The following RGS7 variants were observed in gnomAD, a reference collection of about 807,000 sequenced individuals.
RGS7 encodes regulator of G-protein signaling 7.
Under a neutral mutation model 81.1 loss-of-function variants are expected in RGS7, and 27 were observed. The observed-to-expected ratio is 0.33, with a 90% CI of 0.25 to 0.46. RGS7 has a LOEUF of 0.46. Ranked by LOEUF, RGS7 falls within the 20% of genes least tolerant of loss-of-function variation. The pLI is 1.00. For synonymous variants in RGS7, 208 were observed against 207.7 expected, an observed-to-expected ratio of 1.00 and a Z score of -0.01; for missense variants, 396 against 607.4, an observed-to-expected ratio of 0.65 and a Z score of 3.66.
At chr1:240,898,520 C>A (rs948469577) in intron 6 of RGS7, among the ~76,000 whole-genome samples, 2 of 152,140 alleles carry the variant, frequency 1.3e-5, no homozygotes, top group Non-Finnish European at 1.5e-5. Flanking sequence ...ATCTTTATTT[C>A]TGCCTTCATT....
chr1:241,146,424 G>A (rs7531098), intron 2 of RGS7, among the ~76,000 whole-genome samples: 6,219 of 152,196 alleles, frequency 0.041, 403 homozygotes, highest in African/African-American at 0.14. Flanking sequence ...GGGGAATCCT[G>A]GAACCAATTC....
chr1:240,976,868 C>CGTCT (rs1684165554), intron 4 of RGS7, among the ~76,000 whole-genome samples: 3 of 150,846 alleles, frequency 2.0e-5, no homozygotes, highest in East Asian at 2.0e-4. Flanking sequence ...TACCATCCAT[C>CGTCT]ATCTATCTGT....
chr1:241,057,784 C>A (rs34618273), intron 3 of RGS7, among the ~76,000 whole-genome samples: 27,275 of 152,114 alleles, frequency 0.18, 2,857 homozygotes, highest in Non-Finnish European at 0.24. Context: ...CAGTGGCATG[C>A]GCCTGTAGTC....
At position 240,933,102 on chromosome 1, in the gene RGS7, T is replaced by TC. The variant is rs200405484; in HGVS notation, c.334-2335dup. On this transcript the variant is annotated intron_variant, in intron 5 of 18. Transcript: ENST00000440928. ...TTTCACCGTGTTAGCCAGGATGGTC[T>TC]CCATCTCCTGACCTCGTGATCTGCC... is the stretch of plus-strand genomic sequence containing the variant. Among the ~76,000 whole-genome samples, 121 of 150,970 alleles carry TC rather than the reference T, an allele frequency of 8.0e-4. 1 individual carries two copies. Among genetic ancestry groups the TC allele is most frequent in the Admixed American group, 3.3e-4 (5 of 15,150 alleles).
intron 2 of RGS7, among the ~76,000 whole-genome samples, chr1:241,283,668 C>T (rs2078643329): frequency 1.3e-5 from 2 of 152,084 alleles, no homozygotes; most frequent in Non-Finnish European, 2.9e-5. Flanking sequence ...AGTCTTTTGC[C>T]AAATTCGTGA....
Position 241,168,927 on chromosome 1 carries a change from C to T in RGS7, c.79-70165G>A, listed in dbSNP as rs539989309. On this transcript the variant is annotated intron_variant, in intron 2 of 18. Transcript: ENST00000440928. ...GCAAGGAGATGAACTGTGCCCATAA[C>T]CTGAAGAAGCTAGGAAGTGGATCGT... Among the ~76,000 whole-genome samples the T allele has an allele frequency of 4.7e-5, 7 of 150,038 alleles. No homozygotes were observed. The South Asian group carries it at 1.5e-3, about 32-fold the overall frequency.
At chr1:240,798,634 C>A (rs972522959) in intron 18 of RGS7, among the ~76,000 whole-genome samples, 3 of 152,032 alleles carry the variant, frequency 2.0e-5, no homozygotes, top group Non-Finnish European at 4.4e-5. Context: ...CTCCTTTGAC[C>A]CTTTAAATTT....
intron 3 of RGS7, among the ~76,000 whole-genome samples, chr1:241,033,454 T>A (rs540269957): frequency 6.6e-6 from 1 of 152,208 alleles, no homozygotes; most frequent in South Asian, 2.1e-4. Flanking sequence ...CAAAATGAAA[T>A]GAAAAATATA....
In RGS7 at chr1:241,279,056, C is replaced by T. The variant is rs767793736; in HGVS notation, c.78+76643G>A. On this transcript the variant is annotated intron_variant, in intron 2 of 18. Transcript: ENST00000440928. ...TAAGTGCCACTTTAAGTGGTTCCTT[C>T]GCCATTGAAGACAATGTGAAAGGCA... 2.4e-4 allele frequency among the ~76,000 whole-genome samples: 36 copies of T among 152,152 alleles called. 1 individual carries two copies. In the Middle Eastern group the frequency reaches 0.014, roughly 58 times the overall value.
At chr1:240,782,923 A>G (rs1271377213) in intron 18 of RGS7, among the ~76,000 whole-genome samples, 2 of 152,250 alleles carry the variant, frequency 1.3e-5, no homozygotes, top group African/African-American at 4.8e-5. Flanking sequence ...GAAACAGATT[A>G]TAGTGGAAAC....
At chr1:241,128,112 A>G (rs1341372648) in intron 2 of RGS7, among the ~76,000 whole-genome samples, 1 of 151,656 alleles carries the variant, frequency 6.6e-6, no homozygotes, top group Non-Finnish European at 1.5e-5. Context: ...CCCCGTCTCC[A>G]TTAAAAATAC....
At chr1:241,156,133 GAT>G (rs2069117806) in intron 2 of RGS7, among the ~76,000 whole-genome samples, 2 of 16,364 alleles carry the variant, frequency 1.2e-4, no homozygotes, top group African/African-American at 2.2e-4. Context: ...GATAAATGAT[GAT>G]AGATAGATAG....
chr1:240,914,911 AC>A (rs1672345915), intron 6 of RGS7, among the ~76,000 whole-genome samples: 1 of 152,186 alleles, frequency 6.6e-6, no homozygotes, highest in Non-Finnish European at 1.5e-5. Context: ...GGGAAAACCA[AC>A]ATTGGGATAG....
intron 2 of RGS7, among the ~76,000 whole-genome samples, chr1:241,267,140 C>A (rs1233619477): frequency 6.6e-6 from 1 of 152,192 alleles, no homozygotes; most frequent in Non-Finnish European, 1.5e-5. Context: ...CTTCAGGATC[C>A]TAGCTCCGTC....
intron 3 of RGS7, among the ~76,000 whole-genome samples, chr1:241,014,359 T>C (rs535185557): frequency 1.1e-4 from 17 of 152,198 alleles, no homozygotes; most frequent in African/African-American, 3.4e-4. Context: ...CCAGGTGGCA[T>C]TGGTTAGATA....
chr1:241,337,018 G>A (rs539478758), intron 2 of RGS7, among the ~76,000 whole-genome samples: 17 of 152,280 alleles, frequency 1.1e-4, no homozygotes, highest in African/African-American at 3.6e-4. Flanking sequence ...AAGATGTGGA[G>A]TTAGGCAGGC....
chr1:241,276,423 T>C (rs1482260008), intron 2 of RGS7, among the ~76,000 whole-genome samples: 1 of 152,218 alleles, frequency 6.6e-6, no homozygotes, highest in Non-Finnish European at 1.5e-5. Flanking sequence ...TATATCTTCC[T>C]AGCCAAAAAG....
chr1:241,173,061 A>C (rs1379198887), intron 2 of RGS7, among the ~76,000 whole-genome samples: 2 of 152,174 alleles, frequency 1.3e-5, no homozygotes, highest in Non-Finnish European at 2.9e-5. Flanking sequence ...CAGTTTCCAA[A>C]TTATTTTCCT....
intron 3 of RGS7, among the ~76,000 whole-genome samples, chr1:241,091,547 CAATAAATA>C (rs371664255): frequency 0.038 from 4,956 of 129,108 alleles, 112 homozygotes; most frequent in East Asian, 0.06. Context: ...GACTCTGTCT[CAATAAATA>C]AATAAATAAA....
Sources: allele counts gnomAD v4.1 joint callset (sites outside exome capture counted in the v4.1 genomes callset), GRCh38; gene constraint gnomAD v4.1.1; transcripts MANE v1.5; gene names NCBI Gene and HGNC (gene_info 2026-07-23, HGNC 2026-07-21).